The following ZNF865 variants were observed in gnomAD, a reference collection of about 807,000 sequenced individuals.
ZNF865 encodes the protein zinc finger protein 865.
For synonymous variants in ZNF865, 763 were observed against 750.8 expected (o/e 1.02, Z -0.27); for missense variants, 1,311 against 1,593.4 (o/e 0.82, Z 3.02).
Position 55,616,757 on chromosome 19 carries a change from C to A in ZNF865, c.3139C>A (p.Pro1047Thr). 2 of 1,467,786 alleles carry A rather than the reference C, an allele frequency of 1.4e-6. No homozygotes were observed. Among genetic ancestry groups the A allele is most frequent in the Non-Finnish European group, 1.8e-6 (2 of 1,113,954 alleles). 90.9% of individuals were successfully genotyped at this position (1,467,786 alleles called of 1,614,324 possible). The change falls in exon 2 of 2, where the codon CCT (proline) becomes ACT (threonine). Residue 1047 changes from proline to threonine, a missense_variant. Transcript: ENST00000568956. The part of the protein sequence containing the change: ...LAHKAENLGG[P>T]GAGAGTLAGK... ...GCACAAGGCCGAGAACCTCGGGGGG[C>A]CTGGAGCAGGGGCGGGCACCTTGGC... is the stretch of plus-strand genomic sequence containing the variant.
chr19:55,614,544 C>A lies in ZNF865; in HGVS notation c.926C>A (p.Pro309His), dbSNP rs777912618. Residue 309 changes from proline to histidine, a missense_variant, in exon 2 of 2, where the codon CCC becomes CAC. Transcript: ENST00000568956. This position sits in a 1 kb window ranked among gnomAD's most constrained non-coding sequence, Gnocchi z 8.0. Reference protein sequence around the residue: ...PAASAATAAAPSTVSSGPPAT... With the variant: ...PAASAATAAAHSTVSSGPPAT... ...GCCAGCGCCGCCACCGCCGCCGCCC[C>A]CTCCACGGTGTCCTCGGGCCCTCCA... is the stretch of plus-strand genomic sequence containing the variant. The A allele has an allele frequency of 7.0e-7, 1 of 1,431,512 alleles. No individual in the cohort carries two copies. Among genetic ancestry groups the A allele is most frequent in the African/African-American group, 1.5e-5 (1 of 66,524 alleles). The allele number at this position is 1,431,512 out of a possible 1,614,324, so 88.7% of individuals were successfully genotyped here.
chr19:55,613,679 G>A lies in ZNF865; in HGVS notation c.61G>A (p.Glu21Lys), dbSNP rs2123590005. The change falls in exon 2 of 2, where the codon GAG becomes AAG. Residue 21 changes from glutamate (E) to lysine (K), a missense_variant. Coordinates refer to ENST00000568956, the MANE Select transcript of ZNF865 (RefSeq NM_001195605.2). ...TGGCGGGAGCAGCGGCATCGGGGGC[G>A]AGGACGGGGTGCACTTCCAGAGCTA... ...GGGGSSGIGG[E>K]DGVHFQSYPF... 2 of 1,532,626 alleles carry A rather than the reference G, an allele frequency of 1.3e-6. No individual in the cohort carries two copies. The highest frequency in any genetic ancestry group is 1.7e-6 in the Non-Finnish European group (2 of 1,145,380). The allele number at this position is 1,532,626 out of a possible 1,614,324, so 94.9% of individuals were successfully genotyped here.
At chr19:55,605,763 C>G (rs1163320295) in intron 1 of ZNF865, 31 bp downstream of exon 1, 2 of 134,594 alleles carry the variant, frequency 1.5e-5, no homozygotes, top group East Asian at 2.3e-4. Context: ...CCCGGGGGCC[C>G]GGGTGCAGCG....
chr19:55,615,634 G>A lies in ZNF865; in HGVS notation c.2016G>A (p.Ser672=), dbSNP rs779449907. The change falls in exon 2 of 2, where the codon TCG becomes TCA. Residue 672 remains serine (S), a synonymous_variant. Transcript: ENST00000568956. ...CCGATGGGCTGAGCTACGCCTGCTCGGACTGCGGCGAGCACTTCCCGGATC... is the reference window on the plus strand; with the variant it reads ...CCGATGGGCTGAGCTACGCCTGCTCAGACTGCGGCGAGCACTTCCCGGATC... ...GPTDGLSYAC[S]DCGEHFPDLF... is the part of the protein sequence containing the mutation. 7.2e-6 allele frequency: 11 copies of A among 1,534,452 alleles called. No homozygotes were observed. In the South Asian group the frequency reaches 1.2e-4, roughly 17 times the overall value.
rs767091130 is a variant in ZNF865 at position 55,614,186 on chromosome 19, C to T, written c.568C>T (p.Pro190Ser). The T allele has an allele frequency of 1.6e-4, 235 of 1,493,558 alleles. No individual in the cohort carries two copies. The African/African-American group carries it at 2.9e-3, about 19-fold the overall frequency. 92.5% of individuals were successfully genotyped at this position (1,493,558 alleles called of 1,614,324 possible). A position where few individuals can be genotyped will look rare whatever the true frequency, so the allele number is the denominator to read the frequency against. Reference sequence around the variant, plus strand: ...GGGGGCCCCAGGGCCGCTTCCTGCCCCCTCGCAGACCCCGCCAGGACCCCC... The same window carrying T: ...GGGGGCCCCAGGGCCGCTTCCTGCCTCCTCGCAGACCCCGCCAGGACCCCC... ...PAGAPGPLPA[P>S]SQTPPGPPAA... The change falls in exon 2 of 2, where the codon CCC becomes TCC. Residue 190 changes from proline (P) to serine (S), a missense_variant. Coordinates refer to ENST00000568956, the MANE Select transcript of ZNF865 (RefSeq NM_001195605.2). The surrounding 1 kb of genome is among the most constrained non-coding windows in gnomAD (Gnocchi z 8.0).
Position 55,616,755 on chromosome 19 carries a change from G to T in ZNF865, c.3137G>T (p.Gly1046Val), listed in dbSNP as rs914251728. Reference sequence around the variant, plus strand: ...GCGCACAAGGCCGAGAACCTCGGGGGGCCTGGAGCAGGGGCGGGCACCTTG... The same window carrying T: ...GCGCACAAGGCCGAGAACCTCGGGGTGCCTGGAGCAGGGGCGGGCACCTTG... The part of the protein sequence containing the change: ...RLAHKAENLG[G>V]PGAGAGTLAG... Residue 1046 changes from glycine to valine, a missense_variant, in exon 2 of 2, where the codon GGG becomes GTG. Transcript: ENST00000568956. The T allele has an allele frequency of 2.7e-6, 4 of 1,470,084 alleles. No individual in the cohort carries two copies. Among genetic ancestry groups the T allele is most frequent in the Non-Finnish European group, 3.6e-6 (4 of 1,115,120 alleles). 91.1% of individuals were successfully genotyped at this position (1,470,084 alleles called of 1,614,324 possible). A position where few individuals can be genotyped will look rare whatever the true frequency, so the allele number is the denominator to read the frequency against.
intron 1 of ZNF865, among the ~76,000 whole-genome samples, chr19:55,607,439 GAAAAA>G (rs112301848): frequency 2.6e-5 from 2 of 78,388 alleles, no homozygotes; most frequent in African/African-American, 4.8e-5. Context: ...GTCTTTACAG[GAAAAA>G]AAAAAAAAAA....
intron 1 of ZNF865, among the ~76,000 whole-genome samples, chr19:55,608,206 A>G (rs1338402747): frequency 1.3e-5 from 2 of 151,724 alleles, no homozygotes; most frequent in Non-Finnish European, 2.9e-5. Flanking sequence ...GAGTCAGAAT[A>G]TTACAGGCAA....
chr19:55,614,542 C>T lies in ZNF865; in HGVS notation c.924C>T (p.Ala308=), dbSNP rs1568526345. ...CTGCCAGCGCCGCCACCGCCGCCGC[C>T]CCCTCCACGGTGTCCTCGGGCCCTC... ...APAASAATAA[A]PSTVSSGPPA... The change falls in exon 2 of 2, where the codon GCC becomes GCT. Residue 308 remains alanine (A), a synonymous_variant. Transcript: ENST00000568956. This position sits in a 1 kb window ranked among gnomAD's most constrained non-coding sequence, Gnocchi z 8.0. 3.5e-6 allele frequency: 5 copies of T among 1,409,964 alleles called. No homozygotes were observed. Among genetic ancestry groups the T allele is most frequent in the Non-Finnish European group, 2.7e-6 (3 of 1,091,372 alleles). 87.3% of individuals were successfully genotyped at this position (1,409,964 alleles called of 1,614,324 possible).
At chr19:55,609,263 C>T (rs554722155) in intron 1 of ZNF865, among the ~76,000 whole-genome samples, 1 of 152,244 alleles carries the variant, frequency 6.6e-6, no homozygotes, top group East Asian at 1.9e-4. Flanking sequence ...ATAGTTGATC[C>T]ACCCACCTCG....
rs58751607 is a variant in ZNF865, at chr19:55,608,918, T to C, written c.-27+3186T>C. 9.6e-3 allele frequency among the ~76,000 whole-genome samples: 1,457 copies of C among 152,248 alleles called. 65 individuals are homozygous for C. The highest frequency in any genetic ancestry group is 0.077 in the Admixed American group (1,177 of 15,274). ...TTGGGGGCGGGGGTCCTCCTTCATT[T>C]TGGAGGGAGAAATACCGAAAGACAG... On this transcript the variant is annotated intron_variant, in intron 1 of 1. Transcript: ENST00000568956.
In ZNF865 at chr19:55,614,404, C is replaced by T; in HGVS notation, c.786C>T (p.Asn262=). Residue 262 remains asparagine, a synonymous_variant, in exon 2 of 2, where the codon AAC becomes AAT. Transcript: ENST00000568956. This position sits in a 1 kb window ranked among gnomAD's most constrained non-coding sequence, Gnocchi z 8.0. ...GCGGCGTCTGCGGCCGCACCTACAACCACGTGTCCAGCCTCATCCGCCACC... is the reference window on the plus strand; with the variant it reads ...GCGGCGTCTGCGGCCGCACCTACAATCACGTGTCCAGCCTCATCCGCCACC... ...YECGVCGRTY[N]HVSSLIRHRR... 8.8e-6 allele frequency: 13 copies of T among 1,480,542 alleles called. No individual in the cohort carries two copies. Among genetic ancestry groups the T allele is most frequent in the Non-Finnish European group, 1.2e-5 (13 of 1,119,890 alleles). 91.7% of individuals were successfully genotyped at this position (1,480,542 alleles called of 1,614,324 possible).
At position 55,615,979 on chromosome 19, in the gene ZNF865, C is replaced by T; in HGVS notation, c.2361C>T (p.Ser787=). Residue 787 remains serine, a synonymous_variant, in exon 2 of 2, where the codon TCC becomes TCT. Transcript: ENST00000568956. ...AVAGAGGGAS[S]GPERFSCATC... Reference sequence around the variant, plus strand: ...CAGGTGCTGGCGGGGGTGCCAGTTCCGGCCCCGAGCGCTTCAGCTGTGCCA... The same window carrying T: ...CAGGTGCTGGCGGGGGTGCCAGTTCTGGCCCCGAGCGCTTCAGCTGTGCCA... 1 of 1,516,702 alleles carries T rather than the reference C, an allele frequency of 6.6e-7. No individual in the cohort carries two copies. The highest frequency in any genetic ancestry group is 8.8e-7 in the Non-Finnish European group (1 of 1,137,732). The allele number at this position is 1,516,702 out of a possible 1,614,324, so 94.0% of individuals were successfully genotyped here. A position where few individuals can be genotyped will look rare whatever the true frequency, so the allele number is the denominator to read the frequency against.
chr19:55,609,272 C>T (rs891428170), intron 1 of ZNF865, among the ~76,000 whole-genome samples: 3 of 152,122 alleles, frequency 2.0e-5, no homozygotes, highest in Admixed American at 1.3e-4. Context: ...CCACCCACCT[C>T]GGCCTCCCAA....
In ZNF865 at chr19:55,613,574, C is replaced by G; in HGVS notation, c.-26-19C>G. On this transcript the variant is annotated intron_variant, in intron 1 of 1. Coordinates refer to ENST00000568956, the MANE Select transcript of ZNF865 (RefSeq NM_001195605.2). ...CCAGCGCCGCGGCCGTGTCCTCAGCCCCGTCCTCCTCTTCACAGGGTCTCC... is the reference window on the plus strand; with the variant it reads ...CCAGCGCCGCGGCCGTGTCCTCAGCGCCGTCCTCCTCTTCACAGGGTCTCC... 1 of 1,482,244 alleles carries G rather than the reference C, an allele frequency of 6.7e-7. No individual in the cohort carries two copies. Among genetic ancestry groups the G allele is most frequent in the East Asian group, 2.5e-5 (1 of 40,414 alleles). The allele number at this position is 1,482,244 out of a possible 1,614,324, so 91.8% of individuals were successfully genotyped here. A position where few individuals can be genotyped will look rare whatever the true frequency, so the allele number is the denominator to read the frequency against.
rs574621505 is a variant in ZNF865 at position 55,614,064 on chromosome 19, T to C, written c.446T>C (p.Ile149Thr). Reference sequence around the variant, plus strand: ...GCTTTCCCCACTCCGCAGTGGGGCATCGTGGACCTCTCGGGGCACCAGCAC... The same window carrying C: ...GCTTTCCCCACTCCGCAGTGGGGCACCGTGGACCTCTCGGGGCACCAGCAC... ...DAAFPTPQWGIVDLSGHQHLF... is the reference protein window; with the variant it reads ...DAAFPTPQWGTVDLSGHQHLF... Residue 149 changes from isoleucine to threonine, a missense_variant, in exon 2 of 2, where the codon ATC becomes ACC. Physicochemically the swap from Ile to Thr is moderately conservative, Grantham distance 89 (BLOSUM62 -1). Coordinates refer to ENST00000568956, the MANE Select transcript of ZNF865 (RefSeq NM_001195605.2). The surrounding 1 kb of genome is among the most constrained non-coding windows in gnomAD (Gnocchi z 8.0). 6.8e-7 allele frequency: 1 copy of C among 1,460,044 alleles called. No individual in the cohort carries two copies. Among genetic ancestry groups the C allele is most frequent in the South Asian group, 1.4e-5 (1 of 71,860 alleles). The allele number at this position is 1,460,044 out of a possible 1,614,324, so 90.4% of individuals were successfully genotyped here. A position where few individuals can be genotyped will look rare whatever the true frequency, so the allele number is the denominator to read the frequency against.
chr19:55,615,132 AGGCGGCGGCGGCCGC>A lies in ZNF865; in HGVS notation c.1523_1537del (p.Ala508_Ala512del). On this transcript the variant is annotated inframe_deletion, in exon 2 of 2. Transcript: ENST00000568956. ...GACCCTCCCACCACAGACAGCGAGA[AGGCGGCGGCGGCCGC>A]GGCGGCGGTGGTGTACGGCGCTGTG... The A allele has an allele frequency of 1.3e-5, 16 of 1,194,302 alleles. No homozygotes were observed. Among genetic ancestry groups the A allele is most frequent in the African/African-American group, 1.6e-5 (1 of 60,902 alleles). The allele number at this position is 1,194,302 out of a possible 1,614,324, so 74.0% of individuals were successfully genotyped here.
intron 1 of ZNF865, among the ~76,000 whole-genome samples, chr19:55,605,948 C>T (rs1380307909): frequency 6.6e-6 from 1 of 152,068 alleles, no homozygotes; most frequent in Non-Finnish European, 1.5e-5. Context: ...GCTGCCAAAG[C>T]GCTTTCATTC....
Position 55,617,261 on chromosome 19 carries a change from A to C in ZNF865, c.*463A>C. The C allele has an allele frequency of 1.3e-5, 2 of 154,726 alleles. No individual in the cohort carries two copies. The highest frequency in any genetic ancestry group is 2.9e-5 in the Non-Finnish European group (2 of 69,862). 9.6% of individuals were successfully genotyped at this position (154,726 alleles called of 1,614,324 possible). ...AGAGCGGAGAATAATAAATCTTACC[A>C]TGAGGGCCGCTGGAGTCCATCCTTG... On this transcript the variant is annotated 3_prime_UTR_variant, in exon 2 of 2. Transcript: ENST00000568956.
Sources: gnomAD v4.1 joint callset for allele counts (sites outside exome capture counted in the v4.1 genomes callset) on GRCh38, gnomAD v4.1.1 for gene constraint, Gnocchi (gnomAD v3.1) non-coding constraint, MANE v1.5 for transcripts, NCBI Gene and HGNC (gene_info 2026-07-23, HGNC 2026-07-21) for gene names.